LRMDA: variants seen among roughly 807,000 people sequenced by gnomAD.
LRMDA encodes the protein leucine rich melanocyte differentiation associated, also known as leucine-rich melanocyte differentiation-associated protein.
LRMDA carries 18 observed loss-of-function variants against 29.8 expected under a neutral mutation model. The ratio of observed to expected loss-of-function variants is 0.60; its 90% CI spans 0.42 to 0.90. The LOEUF (loss-of-function observed/expected upper bound fraction) is 0.90. LRMDA is among the 40% of genes least tolerant of loss of function. The pLI, the probability that LRMDA is intolerant of heterozygous loss-of-function variation, is 0.00. For synonymous variants in LRMDA, 125 were observed against 109.4 expected (o/e 1.14, Z -0.89); for missense variants, 273 against 273.9 (o/e 1.00, Z 0.02).
At chr10:76,158,266 C>T (rs539868123) in intron 5 of LRMDA, among the ~76,000 whole-genome samples, 31 of 152,202 alleles carry the variant, frequency 2.0e-4, no homozygotes, top group Non-Finnish European at 3.2e-4. Flanking sequence ...TTTTCCTACC[C>T]CCTTTGCCTC....
At chr10:76,407,630 C>T (rs1907343) in intron 6 of LRMDA, among the ~76,000 whole-genome samples, 123,109 of 152,130 alleles carry the variant, frequency 0.81, 51,235 homozygotes, top group Non-Finnish European at 0.92. Flanking sequence ...TAAAAAGAGA[C>T]ACAGGAGGGG....
chr10:75,628,203 T>C (rs1841277309), intron 2 of LRMDA, among the ~76,000 whole-genome samples: 1 of 152,262 alleles, frequency 6.6e-6, no homozygotes, highest in South Asian at 2.1e-4. Context: ...CTACAACTAC[T>C]AATACTGAGA....
At chr10:75,621,496 A>G (rs1263919838) in intron 2 of LRMDA, among the ~76,000 whole-genome samples, 1 of 152,096 alleles carries the variant, frequency 6.6e-6, no homozygotes, top group South Asian at 2.1e-4. Context: ...TTTCCTCCCC[A>G]TTCTCAGTCT....
chr10:76,424,334 C>A (rs1842101303), intron 6 of LRMDA, among the ~76,000 whole-genome samples: 1 of 152,058 alleles, frequency 6.6e-6, no homozygotes, highest in Non-Finnish European at 1.5e-5. Flanking sequence ...TTGAGACCAT[C>A]CTGACAAATA....
chr10:76,104,788 C>A (rs1363478562), intron 5 of LRMDA, among the ~76,000 whole-genome samples: 2 of 151,968 alleles, frequency 1.3e-5, no homozygotes, highest in African/African-American at 2.4e-5. Context: ...TTGTGGCTCA[C>A]CCCCCATATG....
At chr10:76,373,845 T>A (rs1200234341) in intron 6 of LRMDA, among the ~76,000 whole-genome samples, 1 of 152,232 alleles carries the variant, frequency 6.6e-6, no homozygotes, top group Non-Finnish European at 1.5e-5. Context: ...CTCACTAGCA[T>A]GAAAAACTGT....
rs1331827841 is a variant in LRMDA at position 75,540,877 on chromosome 10, CTGTTA to C, written c.131+102385_131+102389del. 8.5e-5 allele frequency among the ~76,000 whole-genome samples: 13 copies of C among 152,080 alleles called. No individual in the cohort carries two copies. The East Asian group carries it at 9.6e-4, about 11-fold the overall frequency. On this transcript the variant is annotated intron_variant, in intron 2 of 6. Transcript: ENST00000611255. ...AATTCCCTATGTGTTACCTGGCTACCTGTTATAAGAACTAGAAATTATGGTGAATG... is the reference window on the plus strand; with the variant it reads ...AATTCCCTATGTGTTACCTGGCTACCTAAGAACTAGAAATTATGGTGAATG...
intron 2 of LRMDA, among the ~76,000 whole-genome samples, chr10:75,964,445 T>A (rs1370577512): frequency 6.6e-6 from 1 of 152,230 alleles, no homozygotes; most frequent in Non-Finnish European, 1.5e-5. Context: ...ACTAATAAAC[T>A]GTCTTTATAT....
At chr10:76,349,080 G>T (rs1336764236) in intron 6 of LRMDA, among the ~76,000 whole-genome samples, 1 of 152,228 alleles carries the variant, frequency 6.6e-6, no homozygotes, top group Non-Finnish European at 1.5e-5. Flanking sequence ...GAGTGTCTTT[G>T]TGGCAGGTGA....
intron 2 of LRMDA, among the ~76,000 whole-genome samples, chr10:75,910,390 C>A (rs188474282): frequency 6.6e-6 from 1 of 152,274 alleles, no homozygotes; most frequent in African/African-American, 2.4e-5. Context: ...TCTTCTGCAG[C>A]ATTTTAGTTC....
At chr10:75,621,218 A>ACACACC (rs1554816446) in intron 2 of LRMDA, among the ~76,000 whole-genome samples, 19 of 129,998 alleles carry the variant, frequency 1.5e-4, no homozygotes, top group Non-Finnish European at 2.1e-4. Context: ...ACACACACAC[A>ACACACC]CACACACCCA....
intron 6 of LRMDA, among the ~76,000 whole-genome samples, chr10:76,349,768 A>G (rs572985137): frequency 1.3e-5 from 2 of 152,260 alleles, no homozygotes; most frequent in South Asian, 4.1e-4. Flanking sequence ...GAATTAATGT[A>G]TCTCTATTGG....
intron 2 of LRMDA, among the ~76,000 whole-genome samples, chr10:75,449,271 A>AT (rs1179213062): frequency 6.6e-6 from 1 of 152,078 alleles, no homozygotes; most frequent in Non-Finnish European, 1.5e-5. Flanking sequence ...TCCCAACAAC[A>AT]TTTTGAGAAT....
chr10:76,183,458 T>A lies in LRMDA; in HGVS notation c.516+124675T>A, dbSNP rs532128043. 1.3e-4 allele frequency among the ~76,000 whole-genome samples: 20 copies of A among 152,308 alleles called. No homozygotes were observed. In the South Asian group the frequency reaches 4.1e-3, roughly 32 times the overall value. ...TTTGCCCCATCTTTTGAGAGAAAGA[T>A]CTCTCTAAATTTCAAAGAAAAAGGC... On this transcript the variant is annotated intron_variant, in intron 5 of 6. Coordinates refer to ENST00000611255, the MANE Select transcript of LRMDA (RefSeq NM_001305581.2).
intron 2 of LRMDA, among the ~76,000 whole-genome samples, chr10:75,892,453 G>T (rs1351109623): frequency 6.6e-6 from 1 of 152,120 alleles, no homozygotes; most frequent in Non-Finnish European, 1.5e-5. Context: ...GTTCTTTAAG[G>T]GAGCGCTTAG....
intron 5 of LRMDA, among the ~76,000 whole-genome samples, chr10:76,064,636 A>C (rs182524170): frequency 6.6e-6 from 1 of 152,224 alleles, no homozygotes; most frequent in Admixed American, 6.5e-5. Context: ...ATCTTCTGTT[A>C]CTCCTATGTA....
intron 2 of LRMDA, among the ~76,000 whole-genome samples, chr10:75,914,350 C>T (rs756935784): frequency 6.6e-6 from 1 of 152,160 alleles, no homozygotes; most frequent in Non-Finnish European, 1.5e-5. Flanking sequence ...TAAAAATGAA[C>T]CTGTGACTTT....
chr10:76,557,264 G>T lies in LRMDA; in HGVS notation c.657G>T (p.Arg219Ser), dbSNP rs762497770. The T allele has an allele frequency of 6.2e-7, 1 of 1,614,040 alleles. No homozygotes were observed. The change falls in exon 7 of 7, where the codon AGG (arginine) becomes AGT (serine). Residue 219 changes from arginine (R) to serine (S), a missense_variant. Transcript: ENST00000611255. ...ATGGGAAAAACTCAGAGGGCAACAGGTTTATCCGAGATGACCAGCTCTGAA... is the reference window on the plus strand; with the variant it reads ...ATGGGAAAAACTCAGAGGGCAACAGTTTTATCCGAGATGACCAGCTCTGAA... ...VYYGKNSEGN[R>S]FIRDDQL
At chr10:76,400,513 A>G (rs1172606119) in intron 6 of LRMDA, among the ~76,000 whole-genome samples, 3 of 152,232 alleles carry the variant, frequency 2.0e-5, no homozygotes, top group East Asian at 3.8e-4. Context: ...TCTTTTGCTC[A>G]GAAATACTCA....
Sources: gnomAD v4.1 joint callset for allele counts (sites outside exome capture counted in the v4.1 genomes callset) on GRCh38, gnomAD v4.1.1 for gene constraint, MANE v1.5 for transcripts, NCBI Gene and HGNC (gene_info 2026-07-23, HGNC 2026-07-21) for gene names.